The following RIC3 variants were observed in gnomAD, a reference collection of about 807,000 sequenced individuals.
RIC3 encodes the protein RIC3 acetylcholine receptor chaperone, also known as protein RIC-3.
A neutral mutation model predicts 27.3 loss-of-function variants in RIC3; 28 were observed. The ratio of observed to expected loss-of-function variants is 1.02; its 90% CI spans 0.76 to 1.41. RIC3 has a LOEUF of 1.41. RIC3 is among the 40% of genes most tolerant of loss of function. RIC3 has a pLI of 0.00. For missense variants in RIC3, 501 were observed against 444.7 expected (o/e 1.13, Z -1.14); for synonymous variants, 184 against 160.4 (o/e 1.15, Z -1.11).
chr11:8,126,802 G>A lies in RIC3; in HGVS notation c.527C>T (p.Ala176Val). 3.7e-6 allele frequency: 6 copies of A among 1,614,010 alleles called. No homozygotes were observed. Among genetic ancestry groups the A allele is most frequent in the Non-Finnish European group, 5.1e-6 (6 of 1,180,008 alleles). The change falls in exon 5 of 6, where the codon GCA becomes GTA. Residue 176 changes from alanine (A) to valine (V), a missense_variant. By Grantham distance (64) the Ala-to-Val change is moderately conservative. Transcript: ENST00000309737. ...CTCTTGGTCAGAAGTCACAGTCTGTGCTCTGCTTAGAAATATCAGACAATC... is the reference window on the plus strand; with the variant it reads ...CTCTTGGTCAGAAGTCACAGTCTGTACTCTGCTTAGAAATATCAGACAATC... ...NRVGPNGESR[A>V]QTVTSDQEKR...
chr11:8,121,999 T>C (rs917320797), intron 5 of RIC3, among the ~76,000 whole-genome samples: 4 of 152,064 alleles, frequency 2.6e-5, no homozygotes, highest in African/African-American at 9.7e-5. Flanking sequence ...GAGGCTGAGG[T>C]GGGAGGATCG....
In RIC3 at chr11:8,110,206, T is replaced by C. The variant is rs770408399; in HGVS notation, c.*492A>G. 8 of 225,546 alleles carry C rather than the reference T, an allele frequency of 3.5e-5. No homozygotes were observed. The highest frequency in any genetic ancestry group is 5.3e-5 in the Non-Finnish European group (6 of 113,182). 14.0% of individuals were successfully genotyped at this position (225,546 alleles called of 1,614,324 possible). ...GAGTCTTACCCTCCTCTGGGCCCAT[T>C]AGCCCCACAAACAAAATGTTCTCTT... On this transcript the variant is annotated 3_prime_UTR_variant, in exon 6 of 6. Transcript: ENST00000309737.
intron 5 of RIC3, among the ~76,000 whole-genome samples, chr11:8,117,997 C>A (rs890365994): frequency 1.3e-5 from 2 of 151,548 alleles, no homozygotes; most frequent in Non-Finnish European, 2.9e-5. Context: ...CCGAGGCGGG[C>A]AGATCACGAG....
chr11:8,163,068 C>CACACACACACACACA (rs373544143), intron 1 of RIC3, among the ~76,000 whole-genome samples: 1 of 131,484 alleles, frequency 7.6e-6, no homozygotes, highest in South Asian at 2.7e-4. Flanking sequence ...CACACACACA[C>CACACACACACACACA]CCCCCAAAAC....
chr11:8,112,089 G>A (rs1383584153), intron 5 of RIC3, among the ~76,000 whole-genome samples: 1 of 152,218 alleles, frequency 6.6e-6, no homozygotes, highest in East Asian at 1.9e-4. Context: ...TGTAGGGTGT[G>A]TGTGGAGACA....
the RIC3 span, among the ~76,000 whole-genome samples, chr11:8,098,052 T>G: frequency 6.6e-6 from 1 of 151,370 alleles, no homozygotes; most frequent in Non-Finnish European, 1.5e-5. Flanking sequence ...TCCCAGGAGG[T>G]GGGTGCAGGC....
At chr11:8,104,031 C>T (rs1488029730), downstream of RIC3, 2 of 152,222 alleles carry the variant, frequency 1.3e-5, no homozygotes, top group Non-Finnish European at 2.9e-5. Flanking sequence ...GAATGACAAG[C>T]ATCAGTAGCT....
At chr11:8,130,442 G>A (rs1333046604) in intron 4 of RIC3, among the ~76,000 whole-genome samples, 2 of 152,172 alleles carry the variant, frequency 1.3e-5, no homozygotes, top group Admixed American at 1.3e-4. Context: ...TGCATGTTCA[G>A]CTGTTCCTTT....
chr11:8,137,502 C>T (rs1293724208), intron 3 of RIC3, 31 bp from the exon 4 acceptor site: 6 of 1,578,278 alleles, frequency 3.8e-6, no homozygotes, highest in Non-Finnish European at 4.4e-6. Context: ...TAAGAACCAT[C>T]AGAGACAACT....
At chr11:8,148,141 G>C (rs1442408218) in intron 1 of RIC3, among the ~76,000 whole-genome samples, 2 of 152,186 alleles carry the variant, frequency 1.3e-5, no homozygotes, top group African/African-American at 4.8e-5. Context: ...TCTCAGCCAA[G>C]CTCCACTCCA....
intron 5 of RIC3, among the ~76,000 whole-genome samples, chr11:8,121,594 T>C (rs1304322576): frequency 1.3e-5 from 2 of 152,036 alleles, no homozygotes; most frequent in Non-Finnish European, 2.9e-5. Context: ...CACATGACTG[T>C]AGTCCCAGCT....
intron 1 of RIC3, among the ~76,000 whole-genome samples, chr11:8,142,429 G>T (rs1949184834): frequency 6.6e-6 from 1 of 151,780 alleles, no homozygotes; most frequent in South Asian, 2.1e-4. Flanking sequence ...AAATCTAGAA[G>T]AAATGGATAA....
intron 5 of RIC3, among the ~76,000 whole-genome samples, chr11:8,117,469 C>A (rs757288868): frequency 6.6e-6 from 1 of 152,068 alleles, no homozygotes; most frequent in Non-Finnish European, 1.5e-5. Context: ...ACAGATACAG[C>A]GTGATTTCAC....
intron 1 of RIC3, among the ~76,000 whole-genome samples, chr11:8,149,024 C>CAAAAAAAAAAAAA (rs34536745): frequency 1.0e-5 from 1 of 96,182 alleles, no homozygotes; most frequent in African/African-American, 3.5e-5. Context: ...ACTAAAAATA[C>CAAAAAAAAAAAAA]AAAAAAAAAA....
intron 5 of RIC3, among the ~76,000 whole-genome samples, chr11:8,119,584 T>G (rs1298028917): frequency 6.6e-6 from 1 of 152,082 alleles, no homozygotes; most frequent in African/African-American, 2.4e-5. Context: ...CCTAAAACCA[T>G]AAAAACCCTA....
Position 8,110,814 on chromosome 11 carries a change from C to T in RIC3, c.994G>A (p.Glu332Lys). 2.5e-6 allele frequency: 4 copies of T among 1,614,202 alleles called. No individual in the cohort carries two copies. The highest frequency in any genetic ancestry group is 3.4e-6 in the Non-Finnish European group (4 of 1,180,042). ...FSADSYPEQE[E>K]TTKEEWSQDF... ...TGGGACCACTCTTCTTTGGTGGTTTCCTCTTGCTCAGGGTAGCTATCTGCA... is the reference window on the plus strand; with the variant it reads ...TGGGACCACTCTTCTTTGGTGGTTTTCTCTTGCTCAGGGTAGCTATCTGCA... Residue 332 changes from glutamate (E) to lysine (K), a missense_variant, in exon 6 of 6, where the codon GAA becomes AAA. Physicochemically the swap from Glu to Lys is moderately conservative, Grantham distance 56. Coordinates refer to ENST00000309737, the MANE Select transcript of RIC3 (RefSeq NM_001206671.4).
chr11:8,133,808 T>C (rs1192877714), intron 4 of RIC3, among the ~76,000 whole-genome samples: 2 of 152,088 alleles, frequency 1.3e-5, no homozygotes, highest in African/African-American at 2.4e-5. Context: ...GCTTGGGCTA[T>C]AGATAGATGA....
the RIC3 span, chr11:8,100,985 C>T: frequency 6.2e-7 from 1 of 1,614,178 alleles, no homozygotes; most frequent in Non-Finnish European, 8.5e-7. Flanking sequence ...CCAGATCATC[C>T]ATGGCAATGA....
chr11:8,116,814 G>A (rs760162207), intron 5 of RIC3, among the ~76,000 whole-genome samples: 5 of 152,330 alleles, frequency 3.3e-5, no homozygotes, highest in East Asian at 3.9e-4. Flanking sequence ...TGCTGGGAAT[G>A]TAAACTAGTA....
Sources: allele counts gnomAD v4.1 joint callset (sites outside exome capture counted in the v4.1 genomes callset), GRCh38; gene constraint gnomAD v4.1.1; transcripts MANE v1.5; gene names NCBI Gene and HGNC (gene_info 2026-07-23, HGNC 2026-07-21).